SLFN14: variants seen among roughly 807,000 people sequenced by gnomAD.
SLFN14 encodes the protein protein SLFN14.
A neutral mutation model predicts 58.6 loss-of-function variants in SLFN14; 47 were observed. The observed-to-expected ratio is 0.80, with a 90% CI of 0.64 to 1.02. SLFN14 has a LOEUF of 1.02. SLFN14 is among the 50% of genes least tolerant of loss of function. The pLI, the probability that SLFN14 is intolerant of heterozygous loss-of-function variation, is 0.00. For missense variants in SLFN14, 967 were observed against 1,078.4 expected, an observed-to-expected ratio of 0.90 and a Z score of 1.45; for synonymous variants, 390 against 387.3, an observed-to-expected ratio of 1.01 and a Z score of -0.08.
chr17:35,554,942 CA>C (rs758389081), intron 3 of SLFN14, among the ~76,000 whole-genome samples: 6 of 152,058 alleles, frequency 3.9e-5, no homozygotes, highest in Non-Finnish European at 8.8e-5. Flanking sequence ...TTGAGCAAGT[CA>C]TTTCACCTCT....
At chr17:35,551,997 T>C (rs1334883383) in intron 5 of SLFN14, among the ~76,000 whole-genome samples, 1 of 152,190 alleles carries the variant, frequency 6.6e-6, no homozygotes, top group Non-Finnish European at 1.5e-5. Context: ...TTAACCTCCT[T>C]GTTAAGTTTG....
At position 35,548,307 on chromosome 17, in the gene SLFN14, T is replaced by C; in HGVS notation, c.2671A>G (p.Lys891Glu). 1.9e-6 allele frequency: 3 copies of C among 1,551,722 alleles called. No individual in the cohort carries two copies. Among genetic ancestry groups the C allele is most frequent in the Non-Finnish European group, 2.6e-6 (3 of 1,146,992 alleles). ...ATGGCTCTTGAAGCAAAGCAGAGCT[T>C]ATGAAATTCCTCTGACTGGTCACAT... ...PECDQSEEFH[K>E]LCFASRAIKH... Residue 891 changes from lysine (K) to glutamate (E), a missense_variant, in exon 6 of 6, where the codon AAG becomes GAG. Lys to Glu is a moderately conservative substitution (Grantham distance 56). Coordinates refer to ENST00000674182, the MANE Select transcript of SLFN14 (RefSeq NM_001129820.2).
chr17:35,559,700 G>C (rs2072683624), intron 2 of SLFN14, among the ~76,000 whole-genome samples, 27 bp downstream of exon 2: 1 of 152,022 alleles, frequency 6.6e-6, no homozygotes, highest in South Asian at 2.1e-4. Context: ...GCAAAGCAGG[G>C]GCCCTGTGGG....
chr17:35,551,938 TC>T (rs1338316268), intron 5 of SLFN14, among the ~76,000 whole-genome samples: 1 of 152,236 alleles, frequency 6.6e-6, no homozygotes, highest in Non-Finnish European at 1.5e-5. Flanking sequence ...TTGTTACTCC[TC>T]TTTGGACCCT....
At position 35,558,240 on chromosome 17, in the gene SLFN14, G is replaced by A. The variant is rs142755847; in HGVS notation, c.-44-134C>T. 2.8e-5 allele frequency: 19 copies of A among 672,900 alleles called. No homozygotes were observed. In the East Asian group the frequency reaches 5.1e-4, roughly 18 times the overall value. 41.7% of individuals were successfully genotyped at this position (672,900 alleles called of 1,614,324 possible). On this transcript the variant is annotated intron_variant, in intron 2 of 5. Coordinates refer to ENST00000674182, the MANE Select transcript of SLFN14 (RefSeq NM_001129820.2). ...ATCTCTCTCTATATGTATATTTGTT[G>A]TTGTTGTTTGTTTTGGGTTTTTTAG...
intron 4 of SLFN14, 58 bp downstream of exon 4, chr17:35,554,518 C>T (rs1480594789): frequency 6.9e-7 from 1 of 1,449,992 alleles, no homozygotes; most frequent in African/African-American, 1.5e-5. Context: ...CTACTAACAC[C>T]TCCCAACTCA....
intron 5 of SLFN14, among the ~76,000 whole-genome samples, chr17:35,549,696 T>C (rs557865691): frequency 6.6e-6 from 1 of 152,358 alleles, no homozygotes; most frequent in African/African-American, 2.4e-5. Context: ...GTATTTTTTC[T>C]GAACGAATTT....
chr17:35,550,426 A>T (rs917820192), intron 5 of SLFN14, among the ~76,000 whole-genome samples: 3 of 152,208 alleles, frequency 2.0e-5, no homozygotes, highest in African/African-American at 7.2e-5. Context: ...CACACTTGTA[A>T]TCCCAGCTAC....
Position 35,546,821 on chromosome 17 carries a change from G to A in SLFN14, c.*1418C>T, listed in dbSNP as rs2072537852. Among the ~76,000 whole-genome samples the A allele has an allele frequency of 6.6e-6, 1 of 152,180 alleles. No homozygotes were observed. The highest frequency in any genetic ancestry group is 1.5e-5 in the Non-Finnish European group (1 of 68,044). On this transcript the variant is annotated 3_prime_UTR_variant, in exon 6 of 6. Coordinates refer to ENST00000674182, the MANE Select transcript of SLFN14 (RefSeq NM_001129820.2). ...ATTGCCAAGTAAGGATTTCAAAGGT[G>A]GAGGGGACAGAAAAGGGTTTAAAGA...
Position 35,548,026 on chromosome 17 carries a change from T to C in SLFN14, c.*213A>G. 1.7e-6 allele frequency: 1 copy of C among 576,102 alleles called. No homozygotes were observed. Among genetic ancestry groups the C allele is most frequent in the Non-Finnish European group, 3.1e-6 (1 of 324,474 alleles). The allele number at this position is 576,102 out of a possible 1,614,324, so 35.7% of individuals were successfully genotyped here. Reference sequence around the variant, plus strand: ...GACAGGGGACTAATGAAGTCTATTGTAATTGTATAGGTAGGAGGTGAAGGA... The same window carrying C: ...GACAGGGGACTAATGAAGTCTATTGCAATTGTATAGGTAGGAGGTGAAGGA... On this transcript the variant is annotated 3_prime_UTR_variant, in exon 6 of 6. Coordinates refer to ENST00000674182, the MANE Select transcript of SLFN14 (RefSeq NM_001129820.2).
In SLFN14 at chr17:35,557,252, T is replaced by C. The variant is rs2072660727; in HGVS notation, c.811A>G (p.Ile271Val). The C allele has an allele frequency of 6.4e-7, 1 of 1,551,754 alleles. No individual in the cohort carries two copies. The highest frequency in any genetic ancestry group is 8.7e-7 in the Non-Finnish European group (1 of 1,146,998). Residue 271 changes from isoleucine (I) to valine (V), a missense_variant, in exon 3 of 6, where the codon ATC (isoleucine) becomes GTC (valine). Ile to Val is a conservative substitution (Grantham distance 29). Transcript: ENST00000674182. ...KVNPDLLKKE[I>V]ENCIEKLPTF... ...GGCAATTTTTCTATGCAGTTTTCGA[T>C]TTCTTTTTTTAGTAAGTCAGGATTC...
At position 35,544,409 on chromosome 17, in the gene SLFN14, A is replaced by G. The variant is rs1161871657; in HGVS notation, c.*3830T>C. On this transcript the variant is annotated 3_prime_UTR_variant, in exon 6 of 6. Coordinates refer to ENST00000674182, the MANE Select transcript of SLFN14 (RefSeq NM_001129820.2). ...GAAAAAGCACACATATACGTTATAA[A>G]GTTGATGGCACAACTTGATCATAAC... Among the ~76,000 whole-genome samples the G allele has an allele frequency of 6.6e-6, 1 of 152,222 alleles. No homozygotes were observed. Among genetic ancestry groups the G allele is most frequent in the African/African-American group, 2.4e-5 (1 of 41,450 alleles).
intron 3 of SLFN14, among the ~76,000 whole-genome samples, chr17:35,555,624 A>G (rs1363384747): frequency 6.6e-6 from 1 of 152,120 alleles, no homozygotes; most frequent in Non-Finnish European, 1.5e-5. Flanking sequence ...AAGTGGCAGG[A>G]TCTTTAGGGG....
intron 4 of SLFN14, among the ~76,000 whole-genome samples, 190 bp downstream of exon 4, chr17:35,554,386 T>C (rs1304990097): frequency 6.8e-6 from 1 of 147,304 alleles, no homozygotes; most frequent in Non-Finnish European, 1.5e-5. Context: ...AGTATATATA[T>C]GACCCTTGTT....
At position 35,550,383 on chromosome 17, in the gene SLFN14, T is replaced by TA. The variant is rs1242671123; in HGVS notation, c.1905-1311dup. ...CAACATGGTGAAACCCCGTCTCTACTAAAAATACAAAAATTAGCTAGGCGT... is the reference window on the plus strand; with the variant it reads ...CAACATGGTGAAACCCCGTCTCTACTAAAAAATACAAAAATTAGCTAGGCGT... On this transcript the variant is annotated intron_variant, in intron 5 of 5. Coordinates refer to ENST00000674182, the MANE Select transcript of SLFN14 (RefSeq NM_001129820.2). Among the ~76,000 whole-genome samples, 3 of 152,186 alleles carry TA rather than the reference T, an allele frequency of 2.0e-5. No individual in the cohort carries two copies. In the East Asian group the frequency reaches 5.8e-4, roughly 29 times the overall value.
At chr17:35,554,961 G>T (rs572068261) in intron 3 of SLFN14, among the ~76,000 whole-genome samples, 1 of 152,140 alleles carries the variant, frequency 6.6e-6, no homozygotes, top group East Asian at 1.9e-4. Flanking sequence ...TCTCTCTCAC[G>T]CTGGAGTGAA....
intron 3 of SLFN14, among the ~76,000 whole-genome samples, chr17:35,555,348 G>A (rs960954111): frequency 6.6e-6 from 1 of 151,488 alleles, no homozygotes; most frequent in Non-Finnish European, 1.5e-5. Flanking sequence ...CTCCAGCCTG[G>A]GTGACAGAGC....
intron 4 of SLFN14, 139 bp from the exon 5 acceptor site, chr17:35,553,583 G>T: frequency 1.4e-6 from 1 of 726,064 alleles, no homozygotes; most frequent in Non-Finnish European, 2.2e-6. Flanking sequence ...TCTTAATCAG[G>T]AGCAGTTTTA....
intron 3 of SLFN14, among the ~76,000 whole-genome samples, chr17:35,556,346 T>C (rs941110314): frequency 6.6e-6 from 1 of 152,194 alleles, no homozygotes; most frequent in African/African-American, 2.4e-5. Context: ...AAACAGTGTT[T>C]CTCTAGAATA....
Sources: gnomAD v4.1 joint callset for allele counts (sites outside exome capture counted in the v4.1 genomes callset) on GRCh38, gnomAD v4.1.1 for gene constraint, MANE v1.5 for transcripts, NCBI Gene and HGNC (gene_info 2026-07-23, HGNC 2026-07-21) for gene names.